Variants in TCAF1 observed in about 807,000 individuals in gnomAD.
TCAF1 encodes TRPM8 channel-associated factor 1.
In TCAF1, 4 loss-of-function variants were observed where a neutral mutation model predicts 27.3. The observed-to-expected ratio is 0.15, with a 90% CI of 0.07 to 0.34. The LOEUF is 0.34. TCAF1 is among the 10% of genes least tolerant of loss of function. The pLI is 1.00. For missense variants in TCAF1, 257 were observed against 425.8 expected (o/e 0.60, Z 3.49); for synonymous variants, 105 against 167.1 (o/e 0.63, Z 2.87).
At chr7:143,899,953 A>G (rs1402281389) in intron 1 of TCAF1, among the ~76,000 whole-genome samples, 1 of 152,208 alleles carries the variant, frequency 6.6e-6, no homozygotes, top group Non-Finnish European at 1.5e-5. Flanking sequence ...TACCTGCCAG[A>G]CTGACAAAAA....
intron 2 of TCAF1, among the ~76,000 whole-genome samples, chr7:143,875,212 CAT>C (rs1812625638): frequency 6.6e-6 from 1 of 152,174 alleles, no homozygotes; most frequent in Non-Finnish European, 1.5e-5. Flanking sequence ...TAATATACAA[CAT>C]AGAGAGTGGC....
At chr7:143,882,620 G>A (rs1813127958) in intron 1 of TCAF1, 2 of 985,302 alleles carry the variant, frequency 2.0e-6, no homozygotes, top group South Asian at 4.7e-5. Flanking sequence ...CACCCATCGC[G>A]CCCCGCACCC....
intron 1 of TCAF1, among the ~76,000 whole-genome samples, chr7:143,897,291 C>T (rs1227387561): frequency 1.3e-5 from 2 of 151,188 alleles, no homozygotes; most frequent in Non-Finnish European, 3.0e-5. Context: ...CCTTCCTCCT[C>T]ATCCTTAGCC....
At chr7:143,901,509 C>A (rs1049081614) in intron 1 of TCAF1, among the ~76,000 whole-genome samples, 1 of 152,186 alleles carries the variant, frequency 6.6e-6, no homozygotes, top group Non-Finnish European at 1.5e-5. Flanking sequence ...GCCGCTCTCA[C>A]CGCCACCCCT....
chr7:143,894,143 A>G (rs1422219353), intron 1 of TCAF1, among the ~76,000 whole-genome samples: 1 of 151,850 alleles, frequency 6.6e-6, no homozygotes, highest in African/African-American at 2.4e-5. Flanking sequence ...TTGTTTAAAC[A>G]ACATAATTTA....
chr7:143,882,537 G>C (rs1471581175), intron 1 of TCAF1: 3 of 985,262 alleles, frequency 3.0e-6, no homozygotes, highest in Admixed American at 6.1e-5. Context: ...AAAATCACCA[G>C]CAGAAATACG....
intron 1 of TCAF1, among the ~76,000 whole-genome samples, chr7:143,894,750 T>C (rs532804257): frequency 1.3e-5 from 2 of 151,648 alleles, no homozygotes; most frequent in Non-Finnish European, 3.0e-5. Flanking sequence ...GTTCTTTTTA[T>C]TAAAAGACAT....
intron 1 of TCAF1, among the ~76,000 whole-genome samples, chr7:143,891,668 A>G (rs1221704298): frequency 2.0e-5 from 3 of 152,116 alleles, no homozygotes; most frequent in African/African-American, 7.2e-5. Flanking sequence ...GTTGTGACAC[A>G]TGAGTAATCA....
rs570147899 is a variant in TCAF1 at position 143,890,138 on chromosome 7, G to A, written c.-15+11823C>T. Reference sequence around the variant, plus strand: ...CGAGTAGCTGGGACTACAGGCACCCGCCACCACACCCAGTTATTTTATTTT... The same window carrying A: ...CGAGTAGCTGGGACTACAGGCACCCACCACCACACCCAGTTATTTTATTTT... On this transcript the variant is annotated intron_variant, in intron 1 of 8. Transcript: ENST00000479870. Among the ~76,000 whole-genome samples, 192 of 151,764 alleles carry A rather than the reference G, an allele frequency of 1.3e-3. 1 individual carries two copies. The highest frequency in any genetic ancestry group is 4.4e-3 in the African/African-American group (182 of 41,382).
At chr7:143,896,103 T>C (rs888775004) in intron 1 of TCAF1, among the ~76,000 whole-genome samples, 5 of 151,774 alleles carry the variant, frequency 3.3e-5, no homozygotes, top group Admixed American at 1.3e-4. Context: ...AAATCCAGAC[T>C]TTTAAAAAAT....
rs1813362713 is a variant in TCAF1 at position 143,885,591 on chromosome 7, T to TA, written c.-14-8970dup. 2.5e-5 allele frequency: 24 copies of TA among 973,390 alleles called. No homozygotes were observed. The South Asian group carries it at 1.1e-3, about 44-fold the overall frequency. The allele number at this position is 973,390 out of a possible 1,614,324, so 60.3% of individuals were successfully genotyped here. A position where few individuals can be genotyped will look rare whatever the true frequency, so the allele number is the denominator to read the frequency against. ...TGTTCATTAACAAGGGAGCGATGGA[T>TA]AAATAATGATGATCTCTGTGTAAAA... On this transcript the variant is annotated intron_variant, in intron 1 of 8. Coordinates refer to ENST00000479870, the MANE Select transcript of TCAF1 (RefSeq NM_014719.3).
chr7:143,892,895 A>C (rs540448547), intron 1 of TCAF1, among the ~76,000 whole-genome samples: 1 of 152,332 alleles, frequency 6.6e-6, no homozygotes, highest in South Asian at 2.1e-4. Context: ...ACCAGACATT[A>C]AATCTGCTGG....
intron 1 of TCAF1, among the ~76,000 whole-genome samples, chr7:143,895,700 G>C (rs1197614564): frequency 2.6e-5 from 4 of 151,532 alleles, no homozygotes; most frequent in African/African-American, 9.7e-5. Context: ...TTAATACACT[G>C]ATGGTATTAA....
At chr7:143,877,074 G>A (rs969419195) in intron 1 of TCAF1, among the ~76,000 whole-genome samples, 26 of 152,166 alleles carry the variant, frequency 1.7e-4, no homozygotes, top group African/African-American at 5.1e-4. Flanking sequence ...TCAGAAAATG[G>A]GGGCAGAGAT....
At chr7:143,859,961 TA>T (rs1484034291) in intron 6 of TCAF1, among the ~76,000 whole-genome samples, 15 of 41,442 alleles carry the variant, frequency 3.6e-4, no homozygotes, top group African/African-American at 9.1e-4. Flanking sequence ...TATTACGGAA[TA>T]TATATTATAT....
At chr7:143,895,886 C>A (rs536070206) in intron 1 of TCAF1, among the ~76,000 whole-genome samples, 1 of 113,448 alleles carries the variant, frequency 8.8e-6, no homozygotes, top group African/African-American at 3.5e-5. Context: ...ATGTAACTTC[C>A]AAATAAAAGA....
At chr7:143,893,607 T>A (rs1450573099) in intron 1 of TCAF1, among the ~76,000 whole-genome samples, 2 of 152,000 alleles carry the variant, frequency 1.3e-5, no homozygotes, top group Non-Finnish European at 2.9e-5. Context: ...TTTTTATTTA[T>A]TTAATTAGAA....
intron 2 of TCAF1, 72 bp downstream of exon 2, chr7:143,875,917 G>A: frequency 7.2e-7 from 1 of 1,398,488 alleles, no homozygotes. Context: ...TAGCCTTGGA[G>A]CAACCTGAAG....
chr7:143,879,498 A>C (rs1324198620), intron 1 of TCAF1, among the ~76,000 whole-genome samples: 1 of 152,186 alleles, frequency 6.6e-6, no homozygotes, highest in African/African-American at 2.4e-5. Context: ...TCTTTTTCAA[A>C]AACAATTTTA....
Sources: allele counts gnomAD v4.1 joint callset (sites outside exome capture counted in the v4.1 genomes callset), GRCh38; gene constraint gnomAD v4.1.1; transcripts MANE v1.5; gene names NCBI Gene and HGNC (gene_info 2026-07-23, HGNC 2026-07-21).